The following CAND1 variants were observed in gnomAD, a reference collection of about 807,000 sequenced individuals.
CAND1 encodes cullin associated and neddylation dissociated 1, also known as cullin-associated NEDD8-dissociated protein 1.
Under a neutral mutation model 108.5 loss-of-function variants are expected in CAND1, and 7 were observed. The observed-to-expected ratio is 0.06, with a 90% confidence interval of 0.04 to 0.12. CAND1 has a LOEUF of 0.12. Ranked by LOEUF, CAND1 falls within the 10% of genes least tolerant of loss-of-function variation. The pLI, the probability that CAND1 is intolerant of heterozygous loss-of-function variation, is 1.00. For synonymous variants in CAND1, 534 were observed against 512.0 expected (o/e 1.04, Z -0.58); for missense variants, 941 against 1,448.7 (o/e 0.65, Z 5.69).
chr12:67,304,191 T>C (rs1033084706), intron 8 of CAND1, among the ~76,000 whole-genome samples: 3 of 152,118 alleles, frequency 2.0e-5, no homozygotes, highest in African/African-American at 7.2e-5. Flanking sequence ...GGTTTCACCA[T>C]GTTGGCCAGA....
chr12:67,296,498 G>A (rs2044771107), intron 4 of CAND1, among the ~76,000 whole-genome samples: 1 of 151,772 alleles, frequency 6.6e-6, no homozygotes, highest in African/African-American at 2.4e-5. Flanking sequence ...GCAGTTCTGT[G>A]ATCTCAGCTT....
At chr12:67,302,070 A>G (rs924186552) in intron 7 of CAND1, among the ~76,000 whole-genome samples, 1 of 152,208 alleles carries the variant, frequency 6.6e-6, no homozygotes, top group Non-Finnish European at 1.5e-5. Context: ...GTTCATTACA[A>G]AGTAAATGAG....
chr12:67,282,499 G>A (rs1396487575), intron 2 of CAND1, among the ~76,000 whole-genome samples: 1 of 151,912 alleles, frequency 6.6e-6, no homozygotes, highest in African/African-American at 2.4e-5. Flanking sequence ...AGAGTGCAGT[G>A]GTGTGATCAC....
In CAND1 at chr12:67,269,904, C is replaced by G. The variant is rs958575485; in HGVS notation, c.68+119C>G. On this transcript the variant is annotated intron_variant, in intron 1 of 14. Coordinates refer to ENST00000545606, the MANE Select transcript of CAND1 (RefSeq NM_018448.5). Reference sequence around the variant, plus strand: ...GCCGGTAGCTTCTCTGCCCCGAAGTCTCCAGCCCACCGGTCCGCTGGCCTC... The same window carrying G: ...GCCGGTAGCTTCTCTGCCCCGAAGTGTCCAGCCCACCGGTCCGCTGGCCTC... The G allele has an allele frequency of 6.6e-6, 5 of 762,020 alleles. No individual in the cohort carries two copies. In the African/African-American group the frequency reaches 9.3e-5, roughly 14 times the overall value. The allele number at this position is 762,020 out of a possible 1,614,324, so 47.2% of individuals were successfully genotyped here.
chr12:67,279,944 C>CACTTAACTGTTTT (rs2044604845), intron 1 of CAND1, among the ~76,000 whole-genome samples: 2 of 152,088 alleles, frequency 1.3e-5, no homozygotes, highest in Non-Finnish European at 2.9e-5. Flanking sequence ...TTAAGTAAAA[C>CACTTAACTGTTTT]AGTTAAGATT....
At chr12:67,304,164 A>G (rs1469256181) in intron 8 of CAND1, among the ~76,000 whole-genome samples, 2 of 151,440 alleles carry the variant, frequency 1.3e-5, no homozygotes, top group Non-Finnish European at 2.9e-5. Context: ...TAATTTTTGT[A>G]TTTTTAATAG....
chr12:67,280,124 G>A (rs800167), intron 1 of CAND1, among the ~76,000 whole-genome samples: 112,847 of 151,770 alleles, frequency 0.74, 42,895 homozygotes, highest in African/African-American at 0.9. Flanking sequence ...TTAAAAGTAC[G>A]TGCTTAACTG....
At chr12:67,309,076 G>A (rs556034740) in intron 11 of CAND1, among the ~76,000 whole-genome samples, 31 of 152,094 alleles carry the variant, frequency 2.0e-4, no homozygotes, top group African/African-American at 6.5e-4. Context: ...AACAATATAT[G>A]CGCCGTTTAT....
At chr12:67,283,361 A>G (rs1474460372) in intron 2 of CAND1, among the ~76,000 whole-genome samples, 1 of 152,170 alleles carries the variant, frequency 6.6e-6, no homozygotes, top group East Asian at 1.9e-4. Context: ...AGGCAGGTGG[A>G]TCACCTGAGG....
At chr12:67,300,737 T>C (rs1475714408) in intron 7 of CAND1, among the ~76,000 whole-genome samples, 1 of 152,216 alleles carries the variant, frequency 6.6e-6, no homozygotes, top group Non-Finnish European at 1.5e-5. Flanking sequence ...CTTGATTGAC[T>C]GCTTTATTCC....
At chr12:67,287,857 ATTTTTTTTTTTTT>A (rs34177330) in intron 2 of CAND1, among the ~76,000 whole-genome samples, 12 of 112,590 alleles carry the variant, frequency 1.1e-4, no homozygotes, top group Non-Finnish European at 2.1e-4. Context: ...TTTTGATGTG[ATTTTTTTTTTTTT>A]TTTTTTTTAG....
In CAND1 at chr12:67,269,715, A is replaced by T; in HGVS notation, c.-3A>T. Reference sequence around the variant, plus strand: ...GCCAGCAGGCGGGATCGAGGCCGTCAACATGGCGAGCGCCTCGTACCACAT... The same window carrying T: ...GCCAGCAGGCGGGATCGAGGCCGTCTACATGGCGAGCGCCTCGTACCACAT... On this transcript the variant is annotated 5_prime_UTR_variant, in exon 1 of 15. Coordinates refer to ENST00000545606, the MANE Select transcript of CAND1 (RefSeq NM_018448.5). 1 of 1,602,446 alleles carries T rather than the reference A, an allele frequency of 6.2e-7. No homozygotes were observed. Among genetic ancestry groups the T allele is most frequent in the Non-Finnish European group, 8.5e-7 (1 of 1,176,154 alleles).
intron 1 of CAND1, among the ~76,000 whole-genome samples, chr12:67,272,276 T>A (rs566580291): frequency 6.6e-6 from 1 of 152,220 alleles, no homozygotes; most frequent in Non-Finnish European, 1.5e-5. Context: ...AGTCACAAGA[T>A]CTGGGTTCTA....
chr12:67,290,309 G>A (rs1208375669), intron 2 of CAND1, among the ~76,000 whole-genome samples: 3 of 152,144 alleles, frequency 2.0e-5, no homozygotes, highest in African/African-American at 7.2e-5. Context: ...TCAGGAGTTC[G>A]AGACCAGCCT....
At chr12:67,295,274 G>A (rs2044758841) in intron 4 of CAND1, 118 bp downstream of exon 4, 1 of 885,798 alleles carries the variant, frequency 1.1e-6, no homozygotes, top group South Asian at 2.1e-5. Flanking sequence ...TTTAAATGGT[G>A]GCTGTTTTAT....
At chr12:67,283,392 T>A (rs1179439132) in intron 2 of CAND1, among the ~76,000 whole-genome samples, 2 of 152,134 alleles carry the variant, frequency 1.3e-5, no homozygotes, top group Non-Finnish European at 2.9e-5. Flanking sequence ...GAGACCAGCA[T>A]GGGCAACATG....
At chr12:67,269,999 T>G in intron 1 of CAND1, 6 of 502,320 alleles carry the variant, frequency 1.2e-5, no homozygotes, top group Admixed American at 4.2e-5. Flanking sequence ...TCCTAGGCAG[T>G]TGCCCGCCGC....
rs377139649 is a variant in CAND1 at position 67,310,082 on chromosome 12, C to A, written c.3195+12C>A. ...AGCTTATAAGAGAGGTAAGTTAGAT[C>A]ACACTGTTTATTTGAGCTTGTCTTT... is the stretch of plus-strand genomic sequence containing the variant. On this transcript the variant is annotated intron_variant, in intron 12 of 14. Coordinates refer to ENST00000545606, the MANE Select transcript of CAND1 (RefSeq NM_018448.5). 1 of 1,609,956 alleles carries A rather than the reference C, an allele frequency of 6.2e-7. No homozygotes were observed. Among genetic ancestry groups the A allele is most frequent in the East Asian group, 2.2e-5 (1 of 44,772 alleles).
At chr12:67,310,765 C>T (rs2136022449) in intron 13 of CAND1, 1 of 152,826 alleles carries the variant, frequency 6.5e-6, no homozygotes, top group South Asian at 2.1e-4. Context: ...GTATCATTTA[C>T]CTGAATGAGG....
Sources: allele counts gnomAD v4.1 joint callset (sites outside exome capture counted in the v4.1 genomes callset), GRCh38; gene constraint gnomAD v4.1.1; transcripts MANE v1.5; gene names NCBI Gene and HGNC (gene_info 2026-07-23, HGNC 2026-07-21).